PRKN: variants seen among roughly 807,000 people sequenced by gnomAD.
PRKN encodes the protein E3 ubiquitin-protein ligase parkin.
Under a neutral mutation model 59.5 loss-of-function variants are expected in PRKN, and 56 were observed. The ratio of observed to expected loss-of-function variants is 0.94; its 90% CI spans 0.76 to 1.18. PRKN has a LOEUF of 1.18. Ranked by LOEUF, PRKN falls within the 50% of genes most tolerant of loss-of-function variation. The pLI, the probability that PRKN is intolerant of heterozygous loss-of-function variation, is 0.00. For missense variants in PRKN, 657 were observed against 596.4 expected, an observed-to-expected ratio of 1.10 and a Z score of -1.06; for synonymous variants, 250 against 222.1, an observed-to-expected ratio of 1.13 and a Z score of -1.12.
chr6:161,832,501 A>G (rs1792544547), intron 6 of PRKN, among the ~76,000 whole-genome samples: 1 of 151,404 alleles, frequency 6.6e-6, no homozygotes, highest in Admixed American at 6.6e-5. Context: ...GCATGTGCCT[A>G]TAGTCTCAGC....
intron 4 of PRKN, among the ~76,000 whole-genome samples, chr6:162,110,896 A>C (rs191335316): frequency 2.6e-4 from 40 of 152,302 alleles, no homozygotes; most frequent in African/African-American, 9.4e-4. Flanking sequence ...ACGGCAGGAC[A>C]AATCCAGATT....
At position 161,757,933 on chromosome 6, in the gene PRKN, G is replaced by GTGTGTGTATATATATATA. The variant is rs1554301354; in HGVS notation, c.871+27838_871+27839insTATATATATATACACACA. 2.1e-3 allele frequency among the ~76,000 whole-genome samples: 210 copies of GTGTGTGTATATATATATA among 101,418 alleles called. 2 individuals carry two copies. Among genetic ancestry groups the GTGTGTGTATATATATATA allele is most frequent in the African/African-American group, 7.8e-3 (205 of 26,440 alleles). 66.5% of individuals were successfully genotyped at this position (101,418 alleles called of 152,430 possible). On this transcript the variant is annotated intron_variant, in intron 7 of 11. Coordinates refer to ENST00000366898, the MANE Select transcript of PRKN (RefSeq NM_004562.3). ...CACACACACACACATCTCTCTCTCT[G>GTGTGTGTATATATATATA]TATATATATGTATATATATATACAG...
intron 2 of PRKN, among the ~76,000 whole-genome samples, chr6:162,381,129 C>T (rs952649373): frequency 6.6e-6 from 1 of 152,142 alleles, no homozygotes; most frequent in South Asian, 2.1e-4. Context: ...AGTCCTTGTC[C>T]TTTCCTAGCC....
At chr6:161,818,907 C>T (rs890295164) in intron 6 of PRKN, among the ~76,000 whole-genome samples, 8 of 152,154 alleles carry the variant, frequency 5.3e-5, no homozygotes, top group South Asian at 2.1e-4. Context: ...GGGAGCCAGA[C>T]GGAGTCAGTG....
chr6:161,830,382 G>A (rs1185229978), intron 6 of PRKN, among the ~76,000 whole-genome samples: 1 of 152,044 alleles, frequency 6.6e-6, no homozygotes, highest in South Asian at 2.1e-4. Context: ...CTCCCGAGGA[G>A]CTGGGACTAC....
At chr6:162,310,720 T>C (rs961032316) in intron 2 of PRKN, among the ~76,000 whole-genome samples, 3 of 150,198 alleles carry the variant, frequency 2.0e-5, no homozygotes, top group African/African-American at 4.9e-5. Context: ...ATTGTGCATA[T>C]GTACCCTAGA....
At chr6:162,424,592 C>G (rs1205700453) in intron 2 of PRKN, among the ~76,000 whole-genome samples, 1 of 151,702 alleles carries the variant, frequency 6.6e-6, no homozygotes, top group African/African-American at 2.4e-5. Context: ...AAAAATTAGC[C>G]GGGTGTGGTC....
At chr6:162,080,008 C>A (rs1226872973) in intron 4 of PRKN, among the ~76,000 whole-genome samples, 1 of 152,064 alleles carries the variant, frequency 6.6e-6, no homozygotes, top group Non-Finnish European at 1.5e-5. Context: ...TGCTTTCCTG[C>A]TGGACATTTT....
intron 9 of PRKN, among the ~76,000 whole-genome samples, chr6:161,481,318 C>A (rs1270059299): frequency 1.3e-5 from 2 of 152,144 alleles, no homozygotes; most frequent in East Asian, 3.9e-4. Context: ...ATAAAAAGAA[C>A]CTTTGGCTGG....
At chr6:161,921,100 T>A (rs1390771284) in intron 6 of PRKN, among the ~76,000 whole-genome samples, 2 of 152,210 alleles carry the variant, frequency 1.3e-5, no homozygotes, top group Non-Finnish European at 2.9e-5. Context: ...CATATAAATA[T>A]ATTTTCTTCC....
rs1787326763 is a variant in PRKN, at chr6:161,407,376, T to C, written c.1084-20499A>G. On this transcript the variant is annotated intron_variant, in intron 9 of 11. Transcript: ENST00000366898. The surrounding 1 kb of genome is among the most constrained non-coding windows in gnomAD (Gnocchi z 4.9). ...GCACTCGGTGGGAGGCTCTGCACAC[T>C]GGCACAATTGTTTGCTGGGAGGTAA... is the stretch of plus-strand genomic sequence containing the variant. 1.3e-5 allele frequency among the ~76,000 whole-genome samples: 2 copies of C among 152,114 alleles called. No individual in the cohort carries two copies. The highest frequency in any genetic ancestry group is 4.2e-4 in the South Asian group (2 of 4,802).
chr6:162,727,385 G>C (rs1402540965), intron 1 of PRKN: 1 of 478,308 alleles, frequency 2.1e-6, no homozygotes, highest in Non-Finnish European at 3.7e-6. Flanking sequence ...ACGAGGAGCG[G>C]GGGTGCGGGG....
intron 6 of PRKN, among the ~76,000 whole-genome samples, chr6:161,901,340 G>A (rs765299543): frequency 9.9e-5 from 15 of 152,174 alleles, no homozygotes; most frequent in Non-Finnish European, 2.1e-4. Flanking sequence ...TCTCCAGTAT[G>A]TAGTTAAACT....
At chr6:162,385,059 G>T (rs1343655533) in intron 2 of PRKN, among the ~76,000 whole-genome samples, 2 of 150,986 alleles carry the variant, frequency 1.3e-5, no homozygotes, top group African/African-American at 2.4e-5. Context: ...AACTCCTGCA[G>T]CCTATTCTAT....
intron 3 of PRKN, among the ~76,000 whole-genome samples, chr6:162,231,752 C>T (rs999956946): frequency 1.3e-5 from 2 of 152,132 alleles, no homozygotes; most frequent in Non-Finnish European, 2.9e-5. Context: ...TATTCATTCC[C>T]AAATCAGGAA....
At chr6:162,466,336 A>G (rs1791413291) in intron 1 of PRKN, among the ~76,000 whole-genome samples, 1 of 152,200 alleles carries the variant, frequency 6.6e-6, no homozygotes, top group Admixed American at 6.5e-5. Context: ...TTGTGTGCTA[A>G]CATTTAATAT....
rs369461833 is a variant in PRKN at position 161,488,765 on chromosome 6, G to A, written c.1083+60089C>T. 1.3e-4 allele frequency among the ~76,000 whole-genome samples: 20 copies of A among 152,058 alleles called. No individual in the cohort carries two copies. The highest frequency in any genetic ancestry group is 9.7e-4 in the East Asian group (5 of 5,158). ...CTCCTGAAGTGTTGGGATTACAGGC[G>A]TAAGCCACCACACCTGGCATAACAA... On this transcript the variant is annotated intron_variant, in intron 9 of 11. Coordinates refer to ENST00000366898, the MANE Select transcript of PRKN (RefSeq NM_004562.3). This position sits in a 1 kb window ranked among gnomAD's most constrained non-coding sequence, Gnocchi z 4.5.
intron 7 of PRKN, among the ~76,000 whole-genome samples, chr6:161,585,709 C>G (rs1048864268): frequency 2.0e-5 from 3 of 152,090 alleles, no homozygotes; most frequent in African/African-American, 7.2e-5. Flanking sequence ...GTTTGGACAG[C>G]CGTTTGGCTC....
rs1375701797 is a variant in PRKN, at chr6:161,895,559, CCCA to C, written c.734+77740_734+77742del. Reference sequence around the variant, plus strand: ...TTCTGAGATTCAGGAGCACGCCCACCCCACCTGCCGTTATACACCCCAGTGAGG... The same window carrying C: ...TTCTGAGATTCAGGAGCACGCCCACCCCTGCCGTTATACACCCCAGTGAGG... On this transcript the variant is annotated intron_variant, in intron 6 of 11. Coordinates refer to ENST00000366898, the MANE Select transcript of PRKN (RefSeq NM_004562.3). Among the ~76,000 whole-genome samples the C allele has an allele frequency of 1.4e-3, 170 of 121,398 alleles. 8 individuals carry two copies. Among genetic ancestry groups the C allele is most frequent in the African/African-American group, 2.1e-3 (72 of 34,488 alleles). 79.6% of individuals were successfully genotyped at this position (121,398 alleles called of 152,430 possible).
Sources: allele counts gnomAD v4.1 joint callset (sites outside exome capture counted in the v4.1 genomes callset), GRCh38; gene constraint gnomAD v4.1.1; non-coding constraint Gnocchi (gnomAD v3.1); transcripts MANE v1.5; gene names NCBI Gene and HGNC (gene_info 2026-07-23, HGNC 2026-07-21).